The following DDC variants were observed in gnomAD, a reference collection of about 807,000 sequenced individuals.
The protein encoded by DDC is dopa decarboxylase.
Under a neutral mutation model 60.0 loss-of-function variants are expected in DDC, and 43 were observed. That is an observed-to-expected ratio of 0.72 (90% confidence interval 0.56 to 0.92). The LOEUF is 0.92. DDC is among the 40% of genes least tolerant of loss of function. DDC has a pLI of 0.00. For missense variants in DDC, 573 were observed against 620.2 expected (o/e 0.92, Z 0.81); for synonymous variants, 232 against 234.6 (o/e 0.99, Z 0.10).
At chr7:50,561,272 G>A (rs747526136) in intron 1 of DDC, among the ~76,000 whole-genome samples, 39 of 152,132 alleles carry the variant, frequency 2.6e-4, no homozygotes, top group South Asian at 1.2e-3. Flanking sequence ...TGGGACTGGC[G>A]AGAGGCCAAG....
At chr7:50,546,371 C>T (rs909147215) in intron 1 of DDC, among the ~76,000 whole-genome samples, 7 of 152,192 alleles carry the variant, frequency 4.6e-5, no homozygotes, top group African/African-American at 1.4e-4. Context: ...TAGGGACTTA[C>T]AGCCAACGGT....
At chr7:50,499,269 C>A in intron 7 of DDC, 27 bp from the exon 8 acceptor site, 1 of 1,540,882 alleles carries the variant, frequency 6.5e-7, no homozygotes, top group South Asian at 1.1e-5. Flanking sequence ...ACTTGTGAGT[C>A]CCCAGATGGA....
At chr7:50,516,965 C>G (rs570355179) in intron 6 of DDC, among the ~76,000 whole-genome samples, 1 of 152,042 alleles carries the variant, frequency 6.6e-6, no homozygotes, top group African/African-American at 2.4e-5. Flanking sequence ...AAGTCCAAGA[C>G]GAGACAGATT....
intron 8 of DDC, 49 bp from the exon 9 acceptor site, chr7:50,495,466 T>C: frequency 7.2e-7 from 1 of 1,397,394 alleles, no homozygotes. Context: ...TTTATAAATG[T>C]TTAATTATAA....
intron 6 of DDC, among the ~76,000 whole-genome samples, chr7:50,507,270 T>C (rs1476509862): frequency 1.3e-5 from 2 of 152,080 alleles, no homozygotes; most frequent in Non-Finnish European, 2.9e-5. Flanking sequence ...GGAGTTTCAC[T>C]CTTTTTGTCG....
At chr7:50,469,157 G>C (rs544777913) in intron 12 of DDC, among the ~76,000 whole-genome samples, 46 of 150,174 alleles carry the variant, frequency 3.1e-4, no homozygotes, top group African/African-American at 1.1e-3. Context: ...TGTTGGCCAG[G>C]CTGGTCTAGA....
chr7:50,462,769 T>C (rs1200287340), intron 14 of DDC, among the ~76,000 whole-genome samples: 3 of 21,560 alleles, frequency 1.4e-4, no homozygotes, highest in South Asian at 1.7e-3. Flanking sequence ...CTTCTTCTTG[T>C]TTTTTTTTTT....
At chr7:50,479,373 C>A (rs988848145) in intron 10 of DDC, among the ~76,000 whole-genome samples, 1 of 152,260 alleles carries the variant, frequency 6.6e-6, no homozygotes, top group Non-Finnish European at 1.5e-5. Flanking sequence ...CAACCCTACT[C>A]AACCTTCTTC....
intron 9 of DDC, among the ~76,000 whole-genome samples, chr7:50,483,421 T>C (rs983366841): frequency 1.3e-5 from 2 of 152,198 alleles, no homozygotes; most frequent in African/African-American, 4.8e-5. Context: ...ACATAGAATT[T>C]TTACATTTAA....
chr7:50,563,045 T>C (rs1393569096), intron 1 of DDC, among the ~76,000 whole-genome samples: 1 of 151,872 alleles, frequency 6.6e-6, no homozygotes, highest in Non-Finnish European at 1.5e-5. Flanking sequence ...CAGGCACTTG[T>C]AATTCCAGCT....
intron 4 of DDC, among the ~76,000 whole-genome samples, chr7:50,535,145 C>G (rs142368034): frequency 1.8e-4 from 27 of 151,988 alleles, no homozygotes; most frequent in African/African-American, 6.3e-4. Context: ...ACATAGCTGA[C>G]GTTTTCTTTT....
chr7:50,480,291 T>C (rs1272606925), intron 9 of DDC, among the ~76,000 whole-genome samples: 3 of 152,186 alleles, frequency 2.0e-5, no homozygotes, highest in Non-Finnish European at 4.4e-5. Context: ...TCTGGGTTGG[T>C]AAATGCTTCA....
At chr7:50,527,459 T>C (rs2044069881) in intron 6 of DDC, among the ~76,000 whole-genome samples, 1 of 152,176 alleles carries the variant, frequency 6.6e-6, no homozygotes, top group African/African-American at 2.4e-5. Flanking sequence ...TGTACTGAAA[T>C]TGTTTGTGGG....
chr7:50,516,394 C>G (rs1004201706), intron 6 of DDC, among the ~76,000 whole-genome samples: 18 of 152,082 alleles, frequency 1.2e-4, no homozygotes, highest in African/African-American at 4.3e-4. Flanking sequence ...AGTAACGACA[C>G]AACCTACCAA....
chr7:50,496,895 C>T (rs1049136538), intron 8 of DDC, among the ~76,000 whole-genome samples: 1 of 152,300 alleles, frequency 6.6e-6, no homozygotes, highest in African/African-American at 2.4e-5. Flanking sequence ...TGGTGGATGA[C>T]AACTTTCCAC....
chr7:50,518,648 C>T (rs1418841265), intron 6 of DDC, among the ~76,000 whole-genome samples: 2 of 152,148 alleles, frequency 1.3e-5, no homozygotes, highest in Non-Finnish European at 2.9e-5. Context: ...AAAGGACACC[C>T]TTTTCAACTA....
intron 9 of DDC, among the ~76,000 whole-genome samples, chr7:50,482,608 A>G (rs1306723848): frequency 6.6e-6 from 1 of 152,314 alleles, no homozygotes; most frequent in African/African-American, 2.4e-5. Flanking sequence ...TTCTTGGCCC[A>G]TATAAATATT....
intron 9 of DDC, chr7:50,492,603 C>A: frequency 2.2e-6 from 2 of 905,814 alleles, no homozygotes; most frequent in Non-Finnish European, 2.8e-6. Context: ...AACCCCATCA[C>A]CCTTCTCTTG....
chr7:50,486,063 C>T (rs1466077169), intron 9 of DDC, among the ~76,000 whole-genome samples: 2 of 152,178 alleles, frequency 1.3e-5, no homozygotes, highest in Non-Finnish European at 2.9e-5. Flanking sequence ...TGAGGCTGTA[C>T]ATCCTGGGCT....
Sources: gnomAD v4.1 joint callset for allele counts (sites outside exome capture counted in the v4.1 genomes callset) on GRCh38, gnomAD v4.1.1 for gene constraint, MANE v1.5 for transcripts, NCBI Gene and HGNC (gene_info 2026-07-23, HGNC 2026-07-21) for gene names.